Variants in NBAS observed in about 807,000 individuals in gnomAD.
The protein encoded by NBAS is NAG/BC035112 fusion.
Under a neutral mutation model 302.5 loss-of-function variants are expected in NBAS, and 219 were observed. The observed-to-expected ratio is 0.72, with a 90% CI of 0.65 to 0.81. NBAS has a LOEUF of 0.81. Among genes scored for constraint, NBAS ranks in the 30% least tolerant of loss-of-function variants. NBAS has a pLI of 0.00. For synonymous variants in NBAS, 1,118 were observed against 1,021.6 expected, an observed-to-expected ratio of 1.09 and a Z score of -1.80; for missense variants, 2,932 against 2,841.6, an observed-to-expected ratio of 1.03 and a Z score of -0.72.
intron 9 of NBAS, among the ~76,000 whole-genome samples, chr2:15,515,342 T>G (rs1456799843): frequency 6.6e-6 from 1 of 152,174 alleles, no homozygotes; most frequent in Admixed American, 6.5e-5. Context: ...TGAAGGGTTT[T>G]TCTTCAGTTA....
the NBAS span, among the ~76,000 whole-genome samples, chr2:14,960,784 G>A: frequency 6.6e-6 from 1 of 152,172 alleles, no homozygotes; most frequent in Non-Finnish European, 1.5e-5. Context: ...TGTGCCAAAT[G>A]TCTTCCCTGT....
In NBAS at chr2:15,475,958, A is replaced by G. The variant is rs1442877658; in HGVS notation, c.1148-78T>C. ...TTCAAAATATTTAGTATAATAATCA[A>G]TTTTAAAACAAAATTTATCTACATT... On this transcript the variant is annotated intron_variant, in intron 13 of 51. Coordinates refer to ENST00000281513, the MANE Select transcript of NBAS (RefSeq NM_015909.4). 1.2e-5 allele frequency: 14 copies of G among 1,143,778 alleles called. No homozygotes were observed. In the East Asian group the frequency reaches 3.1e-4, roughly 25 times the overall value. 70.9% of individuals were successfully genotyped at this position (1,143,778 alleles called of 1,614,324 possible). A position where few individuals can be genotyped will look rare whatever the true frequency, so the allele number is the denominator to read the frequency against.
chr2:15,342,572 A>C (rs1276384442), intron 35 of NBAS, among the ~76,000 whole-genome samples: 2 of 152,134 alleles, frequency 1.3e-5, no homozygotes, highest in Admixed American at 6.6e-5. Flanking sequence ...GAAACATATG[A>C]AGTTAGAAAT....
intron 35 of NBAS, among the ~76,000 whole-genome samples, chr2:15,349,012 G>C (rs565028866): frequency 6.6e-6 from 1 of 152,258 alleles, no homozygotes; most frequent in South Asian, 2.1e-4. Context: ...ACAAGCACAA[G>C]AGCACAAGAT....
At chr2:15,556,927 TA>T (rs892202073) in intron 2 of NBAS, 108 bp from the exon 3 acceptor site, 73 of 838,432 alleles carry the variant, frequency 8.7e-5, no homozygotes, top group Middle Eastern at 2.4e-4. Context: ...AGCGAGTCAT[TA>T]AAAAAAATAA....
chr2:15,011,913 G>A, the NBAS span, among the ~76,000 whole-genome samples: 77 of 152,210 alleles, frequency 5.1e-4, no homozygotes, highest in Middle Eastern at 3.4e-3. Flanking sequence ...CCATCTATAT[G>A]AATGAGTATT....
chr2:15,216,314 G>A (rs1479532366), intron 48 of NBAS, among the ~76,000 whole-genome samples: 1 of 152,188 alleles, frequency 6.6e-6, no homozygotes, highest in Non-Finnish European at 1.5e-5. Context: ...AACAAAAAGA[G>A]TGAGGGGGAT....
At chr2:15,034,029 G>A in the NBAS span, among the ~76,000 whole-genome samples, 1,769 of 10,970 alleles carry the variant, frequency 0.16, 107 homozygotes, top group Admixed American at 0.28. Context: ...AAGAAGAAGA[G>A]GAGGAGGAAG....
At chr2:15,249,505 G>A (rs1668264101) in intron 44 of NBAS, among the ~76,000 whole-genome samples, 1 of 152,132 alleles carries the variant, frequency 6.6e-6, no homozygotes, top group Admixed American at 6.5e-5. Context: ...TATTCAATTA[G>A]GAAAAGAGGA....
At chr2:15,132,905 C>T in the NBAS span, among the ~76,000 whole-genome samples, 8 of 150,510 alleles carry the variant, frequency 5.3e-5, no homozygotes, top group African/African-American at 1.9e-4. Context: ...GCCATGGTTG[C>T]CTCTGGATAG....
intron 48 of NBAS, among the ~76,000 whole-genome samples, chr2:15,207,173 C>A (rs1666187542): frequency 6.6e-6 from 1 of 152,150 alleles, no homozygotes; most frequent in African/African-American, 2.4e-5. Flanking sequence ...CATGACCGAG[C>A]CCTGGATATG....
chr2:15,075,080 G>A, the NBAS span, among the ~76,000 whole-genome samples: 1 of 152,166 alleles, frequency 6.6e-6, no homozygotes, highest in Non-Finnish European at 1.5e-5. Context: ...TTGGTGAACT[G>A]GACAACCACA....
At chr2:14,961,150 G>A in the NBAS span, among the ~76,000 whole-genome samples, 1 of 152,078 alleles carries the variant, frequency 6.6e-6, no homozygotes, top group Admixed American at 6.6e-5. Context: ...CCATGAAGGA[G>A]AACTGAAGAG....
At chr2:14,784,947 A>C in the NBAS span, among the ~76,000 whole-genome samples, 43 of 152,342 alleles carry the variant, frequency 2.8e-4, no homozygotes, top group East Asian at 8.1e-3. Context: ...CTTCCTACCC[A>C]TGAGCATGGA....
intron 38 of NBAS, among the ~76,000 whole-genome samples, chr2:15,319,311 C>A (rs747016025): frequency 1.3e-5 from 2 of 151,886 alleles, no homozygotes; most frequent in Admixed American, 1.3e-4. Flanking sequence ...GATATAAAAT[C>A]GACACCAAAC....
At chr2:15,165,419 T>C (rs1663992576), downstream of NBAS, among the ~76,000 whole-genome samples, 2 of 152,146 alleles carry the variant, frequency 1.3e-5, no homozygotes, top group Non-Finnish European at 2.9e-5. Context: ...TGCTACTGAA[T>C]TGGGAAAGGA....
chr2:14,954,154 G>T, the NBAS span, among the ~76,000 whole-genome samples: 3 of 152,170 alleles, frequency 2.0e-5, no homozygotes, highest in African/African-American at 7.2e-5. Flanking sequence ...AATCTGTAAT[G>T]ACTATGGAAA....
chr2:15,532,280 G>C (rs1178839004), intron 9 of NBAS, among the ~76,000 whole-genome samples: 3 of 151,884 alleles, frequency 2.0e-5, no homozygotes, highest in Non-Finnish European at 4.4e-5. Context: ...ACGAGGTCAG[G>C]AGATCGAAAC....
At chr2:15,167,815 T>C (rs907421868) in intron 51 of NBAS, among the ~76,000 whole-genome samples, 1 of 152,238 alleles carries the variant, frequency 6.6e-6, no homozygotes, top group Non-Finnish European at 1.5e-5. Flanking sequence ...CATTCTTTAA[T>C]GCTGTATCTT....
Sources: allele counts gnomAD v4.1 joint callset (sites outside exome capture counted in the v4.1 genomes callset), GRCh38; gene constraint gnomAD v4.1.1; transcripts MANE v1.5; gene names NCBI Gene and HGNC (gene_info 2026-07-23, HGNC 2026-07-21).